The following C15orf40 variants were observed in gnomAD, a reference collection of about 807,000 sequenced individuals.
C15orf40 encodes the protein chromosome 15 open reading frame 40.
C15orf40 carries 9 observed loss-of-function variants against 13.9 expected under a neutral mutation model. The observed-to-expected ratio is 0.65, with a 90% CI of 0.39 to 1.13. The LOEUF (loss-of-function observed/expected upper bound fraction) is 1.13, where lower values mean the gene tolerates loss of function less well. Among genes scored for constraint, C15orf40 ranks in the 50% most tolerant of loss-of-function variants. The pLI is 0.01. For missense variants in C15orf40, 225 were observed against 188.5 expected (o/e 1.19, Z -1.13); for synonymous variants, 95 against 69.2 (o/e 1.37, Z -1.85).
chr15:83,005,343 G>A lies in C15orf40; in HGVS notation c.*254C>T, dbSNP rs921874441. The A allele has an allele frequency of 8.0e-6, 7 of 873,794 alleles. No individual in the cohort carries two copies. The highest frequency in any genetic ancestry group is 9.4e-5 in the East Asian group (1 of 10,626). 54.1% of individuals were successfully genotyped at this position (873,794 alleles called of 1,614,324 possible). On this transcript the variant is annotated 3_prime_UTR_variant, in exon 4 of 4. Coordinates refer to ENST00000304177, the MANE Select transcript of C15orf40 (RefSeq NM_144597.3). ...CTTGTTGCCCAGGCTGGAGTGCAAC[G>A]GCGCGATCTCGGCTTACTGCAACCT...
downstream of C15orf40, among the ~76,000 whole-genome samples, chr15:82,992,441 G>GGGAGGT (rs1267248124): frequency 2.6e-5 from 4 of 152,092 alleles, no homozygotes; most frequent in Admixed American, 1.3e-4. Flanking sequence ...ACTTGAACCT[G>GGGAGGT]GGAGGTGGAG....
downstream of C15orf40, chr15:82,994,758 G>C (rs567068279): frequency 3.3e-5 from 5 of 152,128 alleles, no homozygotes; most frequent in Admixed American, 3.3e-4. Flanking sequence ...TATAAATGAG[G>C]ATTTTGAAAT....
At chr15:83,009,141 A>G (rs1697786970) in intron 2 of C15orf40, among the ~76,000 whole-genome samples, 1 of 152,250 alleles carries the variant, frequency 6.6e-6, no homozygotes, top group Non-Finnish European at 1.5e-5. Context: ...CTTATGTGAC[A>G]CATATCTTGA....
At chr15:83,006,831 G>A (rs1334076787) in intron 3 of C15orf40, among the ~76,000 whole-genome samples, 2 of 152,176 alleles carry the variant, frequency 1.3e-5, no homozygotes, top group African/African-American at 4.8e-5. Flanking sequence ...TTGAGAAGGG[G>A]TTTATTTAGA....
rs2031476991 is a variant in C15orf40, at chr15:83,002,873, G to C, written c.*2724C>G. On this transcript the variant is annotated 3_prime_UTR_variant, in exon 4 of 4. Transcript: ENST00000304177. ...GCGCAGTTCGCAGTTGTGCGATCTT[G>C]GCTCACTGCAACCTCTGCCTCCAGG... 6.6e-6 allele frequency: 1 copy of C among 152,190 alleles called. No homozygotes were observed. The highest frequency in any genetic ancestry group is 1.5e-5 in the Non-Finnish European group (1 of 68,062). The allele number at this position is 152,190 out of a possible 1,614,324, so 9.4% of individuals were successfully genotyped here.
intron 1 of C15orf40, chr15:83,010,987 T>G (rs2031976663): frequency 6.4e-6 from 1 of 155,534 alleles, no homozygotes; most frequent in African/African-American, 2.4e-5. Flanking sequence ...CACAGGCAAA[T>G]CAGCATTGGG....
chr15:82,993,740 G>A (rs1230816129), downstream of C15orf40, among the ~76,000 whole-genome samples: 1 of 152,198 alleles, frequency 6.6e-6, no homozygotes, highest in East Asian at 1.9e-4. Context: ...GGGAGGTGGA[G>A]GTTACAGTGA....
rs1182013401 is a variant in C15orf40, at chr15:83,001,841, T to C, written c.*3756A>G. The C allele has an allele frequency of 6.6e-6, 1 of 152,400 alleles. No individual in the cohort carries two copies. The highest frequency in any genetic ancestry group is 1.5e-5 in the Non-Finnish European group (1 of 68,182). The allele number at this position is 152,400 out of a possible 1,614,324, so 9.4% of individuals were successfully genotyped here. Reference sequence around the variant, plus strand: ...CAGTGGGGAAAAGGGAATCGTGTTCTGGGAATACAGCCCCTGGGCCAGTTC... The same window carrying C: ...CAGTGGGGAAAAGGGAATCGTGTTCCGGGAATACAGCCCCTGGGCCAGTTC... On this transcript the variant is annotated 3_prime_UTR_variant, in exon 4 of 4. Coordinates refer to ENST00000304177, the MANE Select transcript of C15orf40 (RefSeq NM_144597.3).
downstream of C15orf40, among the ~76,000 whole-genome samples, chr15:82,992,850 T>C (rs965221917): frequency 2.0e-5 from 3 of 152,244 alleles, no homozygotes; most frequent in Non-Finnish European, 2.9e-5. Context: ...TATGTTGTTA[T>C]GGTTTTTGTT....
Position 83,004,447 on chromosome 15 carries a change from G to C in C15orf40, c.*1150C>G. On this transcript the variant is annotated 3_prime_UTR_variant, in exon 4 of 4. Coordinates refer to ENST00000304177, the MANE Select transcript of C15orf40 (RefSeq NM_144597.3). ...TTTCTTTAATAAATTACTATAACTTGACCTGAAGATGTAAAAATATATTAT... is the reference window on the plus strand; with the variant it reads ...TTTCTTTAATAAATTACTATAACTTCACCTGAAGATGTAAAAATATATTAT... The C allele has an allele frequency of 1.2e-6, 1 of 856,782 alleles. No individual in the cohort carries two copies. The highest frequency in any genetic ancestry group is 1.4e-6 in the Non-Finnish European group (1 of 712,702). The allele number at this position is 856,782 out of a possible 1,614,324, so 53.1% of individuals were successfully genotyped here.
rs2031637363 is a variant in C15orf40, at chr15:83,005,618, T to C, written c.441A>G (p.Lys147=). The change falls in exon 4 of 4, where the codon AAA becomes AAG. Residue 147 remains lysine (K), a synonymous_variant. Coordinates refer to ENST00000304177, the MANE Select transcript of C15orf40 (RefSeq NM_144597.3). ...GCTTTTATGTTTTTTTGGCTTCCTT[T>C]TTTAATTTCTCCAAGATCTCTTCTG... ...TTPEEILEKL[K]KEAKKT is the part of the protein sequence containing the mutation. The C allele has an allele frequency of 6.2e-7, 1 of 1,611,588 alleles. No homozygotes were observed. The highest frequency in any genetic ancestry group is 1.7e-5 in the Admixed American group (1 of 59,800).
chr15:82,991,655 A>C (rs552231806), downstream of C15orf40, among the ~76,000 whole-genome samples: 1 of 151,660 alleles, frequency 6.6e-6, no homozygotes, highest in African/African-American at 2.4e-5. Flanking sequence ...CTCTCCATCT[A>C]CCTCTCCCTT....
At position 83,005,121 on chromosome 15, in the gene C15orf40, T is replaced by C. The variant is rs1444002172; in HGVS notation, c.*476A>G. ...GTTTGGGGTTTGGGATTTTAGAACC[T>C]GATGCAATGTATAGCACTTTTTAAA... On this transcript the variant is annotated 3_prime_UTR_variant, in exon 4 of 4. Transcript: ENST00000304177. The C allele has an allele frequency of 9.8e-6, 11 of 1,127,588 alleles. No homozygotes were observed. The highest frequency in any genetic ancestry group is 5.1e-4 in the Middle Eastern group (2 of 3,918). The allele number at this position is 1,127,588 out of a possible 1,614,324, so 69.8% of individuals were successfully genotyped here. A position where few individuals can be genotyped will look rare whatever the true frequency, so the allele number is the denominator to read the frequency against.
In C15orf40 at chr15:82,999,165, TGAGGGAGAGGGGGAGGGG is replaced by T. The variant is rs1281422256; in HGVS notation, c.*6414_*6431del. On this transcript the variant is annotated 3_prime_UTR_variant, in exon 4 of 4. Transcript: ENST00000304177. ...GGAGACCGTGGGGAGAGGGAGAGGG[TGAGGGAGAGGGGGAGGGG>T]GAGGGGGAGGGGGCTCATTTTTATT... The T allele has an allele frequency of 5.7e-5, 3 of 52,896 alleles. No homozygotes were observed. The highest frequency in any genetic ancestry group is 3.2e-4 in the African/African-American group (3 of 9,368). 3.3% of individuals were successfully genotyped at this position (52,896 alleles called of 1,614,324 possible).
chr15:82,992,000 G>A, downstream of C15orf40: 2 of 1,029,344 alleles, frequency 1.9e-6, no homozygotes, highest in Non-Finnish European at 2.7e-6. Flanking sequence ...AAGATCACTT[G>A]AAGCCAGGAG....
At chr15:82,994,594 T>C (rs2030977983), downstream of C15orf40, among the ~76,000 whole-genome samples, 1 of 152,180 alleles carries the variant, frequency 6.6e-6, no homozygotes, top group South Asian at 2.1e-4. Context: ...TCTATTATTA[T>C]TGGACTTTAG....
At chr15:82,991,945 G>T, downstream of C15orf40, 1 of 1,286,012 alleles carries the variant, frequency 7.8e-7, no homozygotes, top group Non-Finnish European at 1.0e-6. Flanking sequence ...GTTGGGTATG[G>T]TGGCTCACAC....
downstream of C15orf40, chr15:82,992,049 C>G (rs57779835): frequency 0.1 from 58,514 of 562,064 alleles, 3,947 homozygotes; most frequent in East Asian, 0.39. Context: ...GATCCTGTCT[C>G]TACAGAAAAT....
chr15:83,004,983 G>A lies in C15orf40; in HGVS notation c.*614C>T, dbSNP rs1234234242. The A allele has an allele frequency of 5.5e-6, 7 of 1,274,310 alleles. No homozygotes were observed. Among genetic ancestry groups the A allele is most frequent in the Non-Finnish European group, 7.3e-6 (7 of 964,564 alleles). The allele number at this position is 1,274,310 out of a possible 1,614,324, so 78.9% of individuals were successfully genotyped here. A position where few individuals can be genotyped will look rare whatever the true frequency, so the allele number is the denominator to read the frequency against. The stretch of plus-strand genomic sequence containing the variant: ...TAAGTCTCTCAACTTCTGGATATAG[G>A]AAATCAAAGGCCCCCCAACAGAATG... On this transcript the variant is annotated 3_prime_UTR_variant, in exon 4 of 4. Transcript: ENST00000304177.
Sources: allele counts gnomAD v4.1 joint callset (sites outside exome capture counted in the v4.1 genomes callset), GRCh38; gene constraint gnomAD v4.1.1; transcripts MANE v1.5; gene names NCBI Gene and HGNC (gene_info 2026-07-23, HGNC 2026-07-21).